The following CDC45 variants were observed in gnomAD, a reference collection of about 807,000 sequenced individuals.
CDC45 encodes cell division cycle 45, also known as cell division control protein 45 homolog.
Under a neutral mutation model 77.8 loss-of-function variants are expected in CDC45, and 54 were observed. The ratio of observed to expected loss-of-function variants is 0.69; its 90% CI spans 0.56 to 0.87. The LOEUF is 0.87. CDC45 is among the 40% of genes least tolerant of loss of function. The pLI is 0.00. For missense variants in CDC45, 649 were observed against 721.6 expected, an observed-to-expected ratio of 0.90 and a Z score of 1.15; for synonymous variants, 260 against 272.1, an observed-to-expected ratio of 0.96 and a Z score of 0.44.
chr22:19,510,516 G>A (rs1276995916), intron 13 of CDC45, among the ~76,000 whole-genome samples: 1 of 152,034 alleles, frequency 6.6e-6, no homozygotes, highest in Non-Finnish European at 1.5e-5. Flanking sequence ...AGGATGTATC[G>A]GGATTATATG....
chr22:19,485,374 G>A (rs1238791837), intron 5 of CDC45, among the ~76,000 whole-genome samples: 1 of 152,240 alleles, frequency 6.6e-6, no homozygotes, highest in Non-Finnish European at 1.5e-5. Flanking sequence ...GACAGATACT[G>A]ATCATGTAAA....
intron 12 of CDC45, 151 bp downstream of exon 12, chr22:19,508,015 A>C: frequency 1.6e-6 from 1 of 606,156 alleles, no homozygotes; most frequent in Admixed American, 3.3e-5. Context: ...GAATGTACAA[A>C]TGAGTGTTAT....
chr22:19,518,960 C>CGA, intron 18 of CDC45, 51 bp downstream of exon 18: 1 of 1,329,322 alleles, frequency 7.5e-7, no homozygotes, highest in Non-Finnish European at 1.1e-6. Context: ...CCTCAGAGCC[C>CGA]GACCCTGATG....
At position 19,495,075 on chromosome 22, in the gene CDC45, T is replaced by C. The variant is rs117296129; in HGVS notation, c.542+693T>C. Among the ~76,000 whole-genome samples the C allele has an allele frequency of 8.5e-4, 129 of 152,176 alleles. 3 individuals carry two copies. In the East Asian group the frequency reaches 0.021, roughly 25 times the overall value. ...CTAAAAACAAACCAAAAAAGGATAA[T>C]ATAAAACCATTTCAGGAAGCATAAG... On this transcript the variant is annotated intron_variant, in intron 6 of 18. Transcript: ENST00000263201.
chr22:19,508,277 C>T (rs1445115860), intron 12 of CDC45, among the ~76,000 whole-genome samples: 3 of 152,160 alleles, frequency 2.0e-5, no homozygotes, highest in Admixed American at 1.3e-4. Context: ...AGCTGGCATG[C>T]TAAGGTGTGA....
chr22:19,519,058 C>A (rs1933964283), intron 18 of CDC45, 149 bp downstream of exon 18: 2 of 682,778 alleles, frequency 2.9e-6, no homozygotes, highest in Non-Finnish European at 5.2e-6. Context: ...ACATTTTTCC[C>A]AAGCACATCT....
rs1300375459 is a variant in CDC45, at chr22:19,516,879, A to G, written c.1622A>G (p.His541Arg). 2 of 1,613,736 alleles carry G rather than the reference A, an allele frequency of 1.2e-6. No homozygotes were observed. The highest frequency in any genetic ancestry group is 1.7e-6 in the Non-Finnish European group (2 of 1,179,804). Residue 541 changes from histidine to arginine, a missense_variant, in exon 17 of 19, where the codon CAT (histidine) becomes CGT (arginine). Coordinates refer to ENST00000263201, the MANE Select transcript of CDC45 (RefSeq NM_003504.5). ...ESTSSRMLHNHFDLSVIELKA... is the reference protein window; with the variant it reads ...ESTSSRMLHNRFDLSVIELKA... ...ACCAGCTCCCGGATGCTGCACAACC[A>G]TTTTGACCTCTCAGGTGAGAGTCTC... is the stretch of plus-strand genomic sequence containing the variant.
At position 19,505,418 on chromosome 22, in the gene CDC45, A is replaced by G; in HGVS notation, c.761A>G (p.His254Arg). The change falls in exon 10 of 19, where the codon CAC becomes CGC. Residue 254 changes from histidine (H) to arginine (R), a missense_variant. By Grantham distance (29) the His-to-Arg change is conservative (BLOSUM62 0). Coordinates refer to ENST00000263201, the MANE Select transcript of CDC45 (RefSeq NM_003504.5). Reference protein sequence around the residue: ...VLQRHVSRHNHRNEDEENTLS... With the variant: ...VLQRHVSRHNRRNEDEENTLS... Reference sequence around the variant, plus strand: ...CAGCGCCACGTTTCCCGCCACAACCACCGGAACGAGGATGAGGAGAACACA... The same window carrying G: ...CAGCGCCACGTTTCCCGCCACAACCGCCGGAACGAGGATGAGGAGAACACA... 6.2e-7 allele frequency: 1 copy of G among 1,614,062 alleles called. No individual in the cohort carries two copies. The highest frequency in any genetic ancestry group is 8.5e-7 in the Non-Finnish European group (1 of 1,179,952).
chr22:19,488,528 C>T (rs1475325320), intron 5 of CDC45, among the ~76,000 whole-genome samples: 1 of 152,220 alleles, frequency 6.6e-6, no homozygotes, highest in East Asian at 1.9e-4. Context: ...GCAGCCACTG[C>T]ATGGCTCTCC....
At chr22:19,480,127 C>A (rs1227395496) in intron 1 of CDC45, 31 bp from the exon 2 acceptor site, 25 of 1,613,694 alleles carry the variant, frequency 1.5e-5, no homozygotes, top group Non-Finnish European at 2.1e-5. Flanking sequence ...TTCGGGTCGC[C>A]GTGTTCAGCC....
chr22:19,486,482 G>T (rs899534986), intron 5 of CDC45, among the ~76,000 whole-genome samples: 4 of 151,772 alleles, frequency 2.6e-5, no homozygotes, highest in Non-Finnish European at 5.9e-5. Flanking sequence ...GACATTGAAG[G>T]CCAGTTCTCT....
chr22:19,492,824 T>C (rs2090173282), intron 5 of CDC45, among the ~76,000 whole-genome samples: 1 of 152,184 alleles, frequency 6.6e-6, no homozygotes, highest in African/African-American at 2.4e-5. Flanking sequence ...CTGATGTCTA[T>C]CACCTGGGGC....
chr22:19,513,890 A>G (rs191833255), intron 13 of CDC45, among the ~76,000 whole-genome samples: 52 of 152,080 alleles, frequency 3.4e-4, no homozygotes, highest in African/African-American at 1.1e-3. Context: ...CATTTTCCAT[A>G]GCTTTGTCTT....
rs1354665431 is a variant in CDC45, at chr22:19,515,066, T to C, written c.1440+18T>C. The C allele has an allele frequency of 1.3e-6, 2 of 1,582,768 alleles. No homozygotes were observed. On this transcript the variant is annotated intron_variant, in intron 15 of 18. Transcript: ENST00000263201. ...TGTGTTCGGTGAGGGGCCAGGCGGG[T>C]GCTGTGGGTACAGGAGGGCAGGTGC...
chr22:19,518,463 G>A (rs1389244602), intron 17 of CDC45, among the ~76,000 whole-genome samples: 2 of 152,190 alleles, frequency 1.3e-5, no homozygotes, highest in Non-Finnish European at 2.9e-5. Flanking sequence ...CGAGGAATTG[G>A]CCAGAGTGCG....
intron 9 of CDC45, among the ~76,000 whole-genome samples, chr22:19,503,805 C>T (rs1001247643): frequency 3.3e-5 from 5 of 152,136 alleles, no homozygotes; most frequent in African/African-American, 1.2e-4. Flanking sequence ...GCCACAAAAC[C>T]TTTGAAGAGG....
At chr22:19,519,295 G>A (rs574321710) in intron 18 of CDC45, among the ~76,000 whole-genome samples, 20 of 152,310 alleles carry the variant, frequency 1.3e-4, no homozygotes, top group African/African-American at 3.6e-4. Flanking sequence ...GCAAGAGCCC[G>A]CAGAGCAGCC....
At chr22:19,479,887 A>G (rs2089943910), upstream of CDC45, 1 of 1,382,208 alleles carries the variant, frequency 7.2e-7, no homozygotes, top group Admixed American at 1.7e-5. Flanking sequence ...CAATCGGAGG[A>G]GCCGTGATTT....
intron 18 of CDC45, among the ~76,000 whole-genome samples, chr22:19,519,141 T>G (rs1026228063): frequency 1.1e-4 from 16 of 152,196 alleles, no homozygotes; most frequent in Non-Finnish European, 7.4e-5. Flanking sequence ...CTGCGATCCC[T>G]TCAGAAAGAG....
Sources: gnomAD v4.1 joint callset for allele counts (sites outside exome capture counted in the v4.1 genomes callset) on GRCh38, gnomAD v4.1.1 for gene constraint, MANE v1.5 for transcripts, NCBI Gene and HGNC (gene_info 2026-07-23, HGNC 2026-07-21) for gene names.